The following LRP1B variants were observed in gnomAD, a reference collection of about 807,000 sequenced individuals.
The protein encoded by LRP1B is low-density lipoprotein receptor-related protein 1B.
Under a neutral mutation model 556.6 loss-of-function variants are expected in LRP1B, and 217 were observed. The ratio of observed to expected loss-of-function variants is 0.39; its 90% CI spans 0.35 to 0.44. The LOEUF (loss-of-function observed/expected upper bound fraction) is 0.44. LRP1B is among the 20% of genes least tolerant of loss of function. The pLI is 1.00. For synonymous variants in LRP1B, 2,047 were observed against 1,865.8 expected, an observed-to-expected ratio of 1.10 and a Z score of -2.50; for missense variants, 5,053 against 5,620.8, an observed-to-expected ratio of 0.90 and a Z score of 3.23.
intron 2 of LRP1B, among the ~76,000 whole-genome samples, chr2:141,494,837 CAA>C (rs779572442): frequency 2.8e-4 from 31 of 111,958 alleles, no homozygotes; most frequent in South Asian, 5.1e-4. Flanking sequence ...CACACACACA[CAA>C]ACACACACAC....
At chr2:140,470,644 C>CAAAAAAA (rs35981828) in intron 60 of LRP1B, among the ~76,000 whole-genome samples, 4 of 58,542 alleles carry the variant, frequency 6.8e-5, no homozygotes, top group Non-Finnish European at 1.1e-4. Context: ...GACTCTGTCT[C>CAAAAAAA]AAAAAAAAAA....
At chr2:141,215,080 G>A (rs1030451135) in intron 6 of LRP1B, among the ~76,000 whole-genome samples, 1 of 152,128 alleles carries the variant, frequency 6.6e-6, no homozygotes, top group East Asian at 1.9e-4. Flanking sequence ...GTGATGTTTG[G>A]GTTATGGGGG....
In LRP1B at chr2:140,951,898, C is replaced by T. The variant is rs1474872463; in HGVS notation, c.2930G>A (p.Ser977Asn). 1.2e-6 allele frequency: 2 copies of T among 1,614,058 alleles called. No individual in the cohort carries two copies. Among genetic ancestry groups the T allele is most frequent in the Non-Finnish European group, 1.7e-6 (2 of 1,179,942 alleles). ...CEPLTQFVCK[S>N]GRCISSKWHC... is the part of the protein sequence containing the mutation. The stretch of plus-strand genomic sequence containing the variant: ...CCATTTGCTGCTAATGCATCTTCCA[C>T]TTTTGCATACGAATTGGGTTAGTGG... The change falls in exon 19 of 91, where the codon AGT (serine) becomes AAT (asparagine). Residue 977 changes from serine to asparagine, a missense_variant. By Grantham distance (46) the Ser-to-Asn change is conservative (BLOSUM62 1). Coordinates refer to ENST00000389484, the MANE Select transcript of LRP1B (RefSeq NM_018557.3).
intron 4 of LRP1B, among the ~76,000 whole-genome samples, chr2:141,250,315 G>A (rs1263208138): frequency 2.6e-5 from 4 of 152,100 alleles, no homozygotes; most frequent in Admixed American, 1.3e-4. Context: ...ACCAAACAGT[G>A]GATTAGAGTG....
At chr2:141,605,075 G>A (rs1687866963) in intron 2 of LRP1B, among the ~76,000 whole-genome samples, 1 of 151,910 alleles carries the variant, frequency 6.6e-6, no homozygotes, top group Non-Finnish European at 1.5e-5. Context: ...GAGGTTCCTG[G>A]CTGGCAAAGT....
In LRP1B at chr2:141,820,641, GTAA is replaced by G. The variant is rs968006169; in HGVS notation, c.83-10243_83-10241del. 4.6e-5 allele frequency among the ~76,000 whole-genome samples: 7 copies of G among 152,146 alleles called. No homozygotes were observed. The East Asian group carries it at 1.3e-3, about 29-fold the overall frequency. ...TTTTTGTTGTCATGCTGAGACAGTA[GTAA>G]TAATTAGAAACTTACTCTACAGACA... On this transcript the variant is annotated intron_variant, in intron 1 of 90. Coordinates refer to ENST00000389484, the MANE Select transcript of LRP1B (RefSeq NM_018557.3).
At chr2:140,325,977 G>A in intron 79 of LRP1B, 99 bp from the exon 80 acceptor site, 2 of 733,120 alleles carry the variant, frequency 2.7e-6, no homozygotes, top group Non-Finnish European at 4.7e-6. Context: ...CTTGACATTT[G>A]TCTTCAAGCA....
In LRP1B at chr2:141,378,274, A is replaced by C. The variant is rs536960594; in HGVS notation, c.343+102122T>G. On this transcript the variant is annotated intron_variant, in intron 3 of 90. Transcript: ENST00000389484. ...AGGAGTTAACAGAGCTGCCTGAAGA[A>C]CATTGAACATTTTAGACAAAGATTT... is the stretch of plus-strand genomic sequence containing the variant. 3.3e-5 allele frequency among the ~76,000 whole-genome samples: 5 copies of C among 152,358 alleles called. No homozygotes were observed. In the South Asian group the frequency reaches 8.3e-4, roughly 25 times the overall value.
intron 2 of LRP1B, among the ~76,000 whole-genome samples, chr2:141,764,696 T>TC (rs1694676822): frequency 1.9e-4 from 2 of 10,412 alleles, no homozygotes; most frequent in African/African-American, 4.8e-4. Flanking sequence ...GTCTATGGAA[T>TC]TTTTTTTTAT....
intron 2 of LRP1B, among the ~76,000 whole-genome samples, chr2:141,618,300 T>C (rs1392249705): frequency 6.6e-6 from 1 of 152,172 alleles, no homozygotes; most frequent in African/African-American, 2.4e-5. Context: ...CCTATAGAAG[T>C]TGGATATTCC....
chr2:140,671,291 C>T (rs77837846), intron 41 of LRP1B, among the ~76,000 whole-genome samples: 3,123 of 152,162 alleles, frequency 0.021, 83 homozygotes, highest in East Asian at 0.14. Flanking sequence ...GAGGCCAAGG[C>T]GGGCGGATCA....
At chr2:140,559,264 A>G (rs1053534027) in intron 43 of LRP1B, among the ~76,000 whole-genome samples, 2 of 152,136 alleles carry the variant, frequency 1.3e-5, no homozygotes, top group Non-Finnish European at 2.9e-5. Flanking sequence ...TAAAAAGGAA[A>G]ACTAGATTAA....
chr2:140,568,880 G>T (rs987189950), intron 43 of LRP1B, among the ~76,000 whole-genome samples: 1 of 151,920 alleles, frequency 6.6e-6, no homozygotes, highest in South Asian at 2.1e-4. Context: ...AAAAAATTAT[G>T]CCAAGAAAAG....
chr2:140,293,630 T>C (rs982174629), intron 84 of LRP1B, among the ~76,000 whole-genome samples: 3 of 152,188 alleles, frequency 2.0e-5, no homozygotes, highest in East Asian at 1.9e-4. Flanking sequence ...ATTTTGTATA[T>C]GCAAGATACA....
At chr2:141,343,808 T>C (rs978146607) in intron 3 of LRP1B, among the ~76,000 whole-genome samples, 7 of 152,218 alleles carry the variant, frequency 4.6e-5, no homozygotes, top group Non-Finnish European at 8.8e-5. Flanking sequence ...CTCATTAGTG[T>C]TCTCATGTGA....
chr2:140,980,615 T>G (rs1053338327), intron 18 of LRP1B, among the ~76,000 whole-genome samples: 1 of 152,100 alleles, frequency 6.6e-6, no homozygotes, highest in African/African-American at 2.4e-5. Context: ...CACAAGAAAA[T>G]TTTAGGTAAG....
intron 66 of LRP1B, among the ~76,000 whole-genome samples, chr2:140,437,690 C>T (rs1389702280): frequency 6.6e-6 from 1 of 152,032 alleles, no homozygotes; most frequent in Non-Finnish European, 1.5e-5. Context: ...AGTATATTTA[C>T]AAAGTATATC....
At chr2:141,407,092 T>G (rs1421394897) in intron 3 of LRP1B, among the ~76,000 whole-genome samples, 3 of 151,524 alleles carry the variant, frequency 2.0e-5, no homozygotes, top group African/African-American at 7.3e-5. Flanking sequence ...CTGCTCTAGC[T>G]TTTCCCAGAA....
chr2:141,240,009 G>A (rs1683804055), intron 5 of LRP1B, among the ~76,000 whole-genome samples: 2 of 152,000 alleles, frequency 1.3e-5, no homozygotes, highest in Admixed American at 1.3e-4. Flanking sequence ...GTAACTTGAT[G>A]TTCTAAATAT....
Sources: gnomAD v4.1 joint callset for allele counts (sites outside exome capture counted in the v4.1 genomes callset) on GRCh38, gnomAD v4.1.1 for gene constraint, MANE v1.5 for transcripts, NCBI Gene and HGNC (gene_info 2026-07-23, HGNC 2026-07-21) for gene names.